CACNA2D3: variants seen among roughly 807,000 people sequenced by gnomAD.
The protein encoded by CACNA2D3 is calcium voltage-gated channel auxiliary subunit alpha2delta 3.
A neutral mutation model predicts 160.6 loss-of-function variants in CACNA2D3; 60 were observed. The ratio of observed to expected loss-of-function variants is 0.37; its 90% CI spans 0.30 to 0.46. The LOEUF (loss-of-function observed/expected upper bound fraction) is 0.46. CACNA2D3 is among the 20% of genes least tolerant of loss of function. The pLI, the probability that CACNA2D3 is intolerant of heterozygous loss-of-function variation, is 1.00. For missense variants in CACNA2D3, 1,205 were observed against 1,365.0 expected (o/e 0.88, Z 1.85); for synonymous variants, 558 against 492.9 (o/e 1.13, Z -1.75).
Position 55,073,539 on chromosome 3 carries a change from G to A in CACNA2D3, c.3082G>A (p.Ala1028Thr). The change falls in exon 36 of 38, where the codon GCA becomes ACA. Residue 1028 changes from alanine (A) to threonine (T), a missense_variant. Ala to Thr is a moderately conservative substitution (Grantham distance 58). This residue lies in a region of CACNA2D3 where 911 missense variants were observed against 1,002.2 expected (regional missense o/e 0.91). Transcript: ENST00000474759. ...LCESVAPITM[A>T]PIEIRYNESL... ...TGAATCTGTGGCCCCCATCACCATG[G>A]CACCCATTGAAATCAGGTATATCCT... The A allele has an allele frequency of 6.2e-7, 1 of 1,613,672 alleles. No homozygotes were observed. Among genetic ancestry groups the A allele is most frequent in the Non-Finnish European group, 8.5e-7 (1 of 1,179,626 alleles).
chr3:54,850,434 T>C (rs1186726103), intron 17 of CACNA2D3, among the ~76,000 whole-genome samples: 1 of 152,246 alleles, frequency 6.6e-6, no homozygotes, highest in East Asian at 1.9e-4. Flanking sequence ...TGTTAAACAT[T>C]GAAGTATAGC....
chr3:54,736,057 G>GTA (rs1212687939), intron 11 of CACNA2D3, among the ~76,000 whole-genome samples: 4 of 42,842 alleles, frequency 9.3e-5, no homozygotes, highest in African/African-American at 2.0e-4. Context: ...ACATACATAT[G>GTA]TATGTATATA....
intron 4 of CACNA2D3, among the ~76,000 whole-genome samples, chr3:54,445,659 G>A (rs768314595): frequency 6.6e-6 from 1 of 151,880 alleles, no homozygotes; most frequent in Non-Finnish European, 1.5e-5. Flanking sequence ...GAGGGGAGGA[G>A]GTAGGGAGTG....
At chr3:54,618,808 A>G (rs2106800332) in intron 9 of CACNA2D3, among the ~76,000 whole-genome samples, 1 of 152,316 alleles carries the variant, frequency 6.6e-6, no homozygotes, top group South Asian at 2.1e-4. Context: ...TGGCACCCAC[A>G]GCACTGGTCA....
At chr3:54,618,947 T>G (rs1047826769) in intron 9 of CACNA2D3, among the ~76,000 whole-genome samples, 1 of 152,226 alleles carries the variant, frequency 6.6e-6, no homozygotes, top group African/African-American at 2.4e-5. Context: ...CTGCAGCCAC[T>G]GAAAGCATTC....
chr3:54,856,860 ATTCTCCACCTC>A (rs1699183813), intron 17 of CACNA2D3, among the ~76,000 whole-genome samples: 1 of 152,128 alleles, frequency 6.6e-6, no homozygotes, highest in African/African-American at 2.4e-5. Context: ...GGCTCACTGC[ATTCTCCACCTC>A]CCAGGTTCAA....
chr3:54,606,733 C>T (rs1203370721), intron 9 of CACNA2D3, among the ~76,000 whole-genome samples: 1 of 152,196 alleles, frequency 6.6e-6, no homozygotes, highest in Admixed American at 6.5e-5. Context: ...TGTGCGCACA[C>T]ACTGGAGCAC....
chr3:54,486,202 T>A lies in CACNA2D3; in HGVS notation c.382-17290T>A, dbSNP rs188363694. On this transcript the variant is annotated intron_variant, in intron 4 of 37. Transcript: ENST00000474759. ...GAGGTGAGAGAACTTTGCCCAGGAG[T>A]TGGAAGGCTTTTTTGATTCTGGTTC... Among the ~76,000 whole-genome samples the A allele has an allele frequency of 3.3e-5, 5 of 152,062 alleles. No individual in the cohort carries two copies. In the East Asian group the frequency reaches 9.7e-4, roughly 29 times the overall value.
intron 2 of CACNA2D3, among the ~76,000 whole-genome samples, chr3:54,162,647 A>G (rs1027445930): frequency 6.6e-5 from 10 of 152,158 alleles, no homozygotes; most frequent in African/African-American, 1.9e-4. Flanking sequence ...AGAATGGGAA[A>G]TATTGTGCCC....
chr3:54,841,399 T>C (rs1698817241), intron 16 of CACNA2D3, among the ~76,000 whole-genome samples: 1 of 152,180 alleles, frequency 6.6e-6, no homozygotes, highest in Non-Finnish European at 1.5e-5. Context: ...TTTTGTGCTT[T>C]TCCAAGGGTC....
chr3:54,766,077 G>A (rs1246869991), intron 13 of CACNA2D3, among the ~76,000 whole-genome samples: 2 of 151,996 alleles, frequency 1.3e-5, no homozygotes, highest in Admixed American at 6.6e-5. Flanking sequence ...AACAATGACT[G>A]CAAAATCTAC....
chr3:54,490,646 G>T (rs1216657896), intron 4 of CACNA2D3, among the ~76,000 whole-genome samples: 1 of 152,196 alleles, frequency 6.6e-6, no homozygotes, highest in African/African-American at 2.4e-5. Context: ...GGTGAGAAAG[G>T]CACCTCCACA....
intron 9 of CACNA2D3, among the ~76,000 whole-genome samples, chr3:54,611,255 G>A (rs995341541): frequency 6.6e-6 from 1 of 152,156 alleles, no homozygotes; most frequent in Non-Finnish European, 1.5e-5. Context: ...GGATGCATGG[G>A]GTTTAGCTGT....
At chr3:54,217,731 GC>G (rs1309561369) in intron 2 of CACNA2D3, among the ~76,000 whole-genome samples, 1 of 152,154 alleles carries the variant, frequency 6.6e-6, no homozygotes, top group Non-Finnish European at 1.5e-5. Flanking sequence ...AAGGAACATG[GC>G]CCTGCTGACA....
chr3:54,151,515 C>A (rs193196447), intron 2 of CACNA2D3, among the ~76,000 whole-genome samples: 1 of 152,088 alleles, frequency 6.6e-6, no homozygotes, highest in Non-Finnish European at 1.5e-5. Context: ...GAATTATTGG[C>A]CATTCTCCTG....
intron 11 of CACNA2D3, among the ~76,000 whole-genome samples, chr3:54,739,782 TG>T: frequency 7.0e-6 from 1 of 142,750 alleles, no homozygotes; most frequent in Non-Finnish European, 1.6e-5. Context: ...TGTGTGTGTG[TG>T]TGTGTGTGTG....
At chr3:54,276,912 T>C (rs1050426491) in intron 2 of CACNA2D3, among the ~76,000 whole-genome samples, 2 of 152,274 alleles carry the variant, frequency 1.3e-5, no homozygotes, top group African/African-American at 2.4e-5. Flanking sequence ...CTGATGACTG[T>C]ACACTGTGGT....
rs543455375 is a variant in CACNA2D3, at chr3:54,525,224, C to T, written c.544+21570C>T. On this transcript the variant is annotated intron_variant, in intron 5 of 37. Transcript: ENST00000474759. Reference sequence around the variant, plus strand: ...TCAGTTACCGTCTGGATTTCTTAGCCGCATATATCTCTGCACTCAACCACT... The same window carrying T: ...TCAGTTACCGTCTGGATTTCTTAGCTGCATATATCTCTGCACTCAACCACT... Among the ~76,000 whole-genome samples the T allele has an allele frequency of 3.3e-5, 5 of 152,082 alleles. No individual in the cohort carries two copies. The East Asian group carries it at 5.8e-4, about 18-fold the overall frequency.
At chr3:54,918,889 C>T (rs1450551797) in intron 27 of CACNA2D3, 5 of 1,524,116 alleles carry the variant, frequency 3.3e-6, no homozygotes, top group Non-Finnish European at 4.4e-6. Flanking sequence ...GTCTGTTAGT[C>T]CCCCTTTAAA....
Sources: gnomAD v4.1 joint callset for allele counts (sites outside exome capture counted in the v4.1 genomes callset) on GRCh38, gnomAD v4.1.1 for gene constraint, gnomAD v4.1.1 regional missense constraint, MANE v1.5 for transcripts, NCBI Gene and HGNC (gene_info 2026-07-23, HGNC 2026-07-21) for gene names.